The following DST variants were observed in gnomAD, a reference collection of about 807,000 sequenced individuals.
DST encodes the protein dystonin, also known as bullous pemphigoid antigen.
DST carries 253 observed loss-of-function variants against 875.2 expected under a neutral mutation model. That is an observed-to-expected ratio of 0.29 (90% confidence interval 0.26 to 0.32). The LOEUF is 0.32. Among genes scored for constraint, DST ranks in the 10% least tolerant of loss-of-function variants. DST has a pLI of 1.00. For synonymous variants in DST, 3,124 were observed against 3,197.1 expected (o/e 0.98, Z 0.77); for missense variants, 8,287 against 9,111.6 (o/e 0.91, Z 3.68).
At chr6:56,663,612 G>A (rs955676104) in intron 10 of DST, among the ~76,000 whole-genome samples, 8 of 152,180 alleles carry the variant, frequency 5.3e-5, no homozygotes, top group African/African-American at 1.9e-4. Context: ...CTGAATTCAC[G>A]CATGTGACTG....
chr6:56,935,446 CAGTT>C (rs1171884533), intron 2 of DST, among the ~76,000 whole-genome samples: 13 of 152,188 alleles, frequency 8.5e-5, no homozygotes, highest in Non-Finnish European at 4.4e-5. Flanking sequence ...CAAAGTTGGT[CAGTT>C]AGTTATTTAA....
chr6:56,663,533 A>G (rs1161891785), intron 10 of DST, among the ~76,000 whole-genome samples: 1 of 152,202 alleles, frequency 6.6e-6, no homozygotes. Context: ...CTATGGGAAC[A>G]TTTCAAACCC....
intron 90 of DST, among the ~76,000 whole-genome samples, chr6:56,480,943 A>G (rs1250479973): frequency 6.6e-6 from 1 of 152,186 alleles, no homozygotes; most frequent in African/African-American, 2.4e-5. Flanking sequence ...TATAAACTAC[A>G]TTTTCAAAAT....
chr6:56,586,655 A>AC (rs1260957330), intron 49 of DST, among the ~76,000 whole-genome samples: 2 of 151,716 alleles, frequency 1.3e-5, no homozygotes, highest in Non-Finnish European at 2.9e-5. Context: ...ACTGGGAGGC[A>AC]CCCCCCAGTA....
rs771187520 is a variant in DST, at chr6:56,639,438, G to A, written c.2859+12C>T. ...TGCAACCCTAGTATGCAAGTACAAAGGGTGTACTTACAGCATGATAATCTT... is the reference window on the plus strand; with the variant it reads ...TGCAACCCTAGTATGCAAGTACAAAAGGTGTACTTACAGCATGATAATCTT... On this transcript the variant is annotated intron_variant, in intron 21 of 103. Transcript: ENST00000680361. The A allele has an allele frequency of 1.2e-6, 2 of 1,613,354 alleles. No homozygotes were observed. The highest frequency in any genetic ancestry group is 1.1e-5 in the South Asian group (1 of 91,062).
At chr6:56,619,458 T>G (rs1256087810) in intron 36 of DST, 2 of 1,611,904 alleles carry the variant, frequency 1.2e-6, no homozygotes, top group East Asian at 4.5e-5. Context: ...TGATCTGATT[T>G]TCTCTGGCAG....
At chr6:56,751,461 T>G (rs544130063) in intron 4 of DST, among the ~76,000 whole-genome samples, 83 of 152,324 alleles carry the variant, frequency 5.4e-4, no homozygotes, top group Non-Finnish European at 9.3e-4. Flanking sequence ...AACAATTATT[T>G]TTTTACAGCA....
At chr6:56,603,180 CA>C in intron 42 of DST, 24 bp downstream of exon 42, 1 of 1,568,224 alleles carries the variant, frequency 6.4e-7, no homozygotes, top group Non-Finnish European at 8.7e-7. Flanking sequence ...CTTCATAAAT[CA>C]AAATTTTGAC....
In DST at chr6:56,532,228, A is replaced by G. The variant is rs2096908557; in HGVS notation, c.17108+116T>C. 5 of 954,076 alleles carry G rather than the reference A, an allele frequency of 5.2e-6. No individual in the cohort carries two copies. The Admixed American group carries it at 1.2e-4, about 22-fold the overall frequency. The allele number at this position is 954,076 out of a possible 1,614,324, so 59.1% of individuals were successfully genotyped here. A position where few individuals can be genotyped will look rare whatever the true frequency, so the allele number is the denominator to read the frequency against. ...TACAATCTTTGCTATCTCTGTTCAC[A>G]TACATGATAAACATAGGAAAATCAT... On this transcript the variant is annotated intron_variant, in intron 64 of 103. Transcript: ENST00000680361.
At chr6:56,493,895 T>C in intron 83 of DST, 115 bp downstream of exon 83, 1 of 789,270 alleles carries the variant, frequency 1.3e-6, no homozygotes, top group East Asian at 2.9e-5. Flanking sequence ...CAAAAAATGT[T>C]TAAACATAAA....
intron 9 of DST, among the ~76,000 whole-genome samples, chr6:56,675,549 G>C (rs115193789): frequency 1.2e-3 from 188 of 152,126 alleles, no homozygotes; most frequent in African/African-American, 4.3e-3. Flanking sequence ...AAAACAACTC[G>C]GTAATAAGAA....
chr6:56,856,262 C>T (rs755684346), intron 3 of DST, among the ~76,000 whole-genome samples: 188 of 152,234 alleles, frequency 1.2e-3, no homozygotes, highest in African/African-American at 4.1e-3. Flanking sequence ...AATTGGATGC[C>T]GCCCAGCCTT....
chr6:56,607,721 C>T lies in DST; in HGVS notation c.6907G>A (p.Glu2303Lys). The T allele has an allele frequency of 6.2e-7, 1 of 1,613,440 alleles. No individual in the cohort carries two copies. The highest frequency in any genetic ancestry group is 8.5e-7 in the Non-Finnish European group (1 of 1,179,672). ...PENRKCAIDE[E>K]FNEMRNTVIN... ...ACAGTATTTCTCATTTCATTAAATT[C>T]TTCATCTATAGCACACTTTCTATTT... Residue 2303 changes from glutamate to lysine, a missense_variant, in exon 40 of 104, where the codon GAA becomes AAA. Physicochemically the swap from Glu to Lys is moderately conservative, Grantham distance 56. Around this residue, in one of 10 missense-constraint regions of DST, gnomAD observed 3,138 missense variants for 3,116.6 expected, o/e 1.01. Transcript: ENST00000680361.
At position 56,501,577 on chromosome 6, in the gene DST, T is replaced by C. The variant is rs1055906207; in HGVS notation, c.19683A>G (p.Pro6561=). ...CCCATATCAATTTCAGTTCCATTAA[T>C]GGGTCTTGAACAGTGTGTTTGTCAC... is the stretch of plus-strand genomic sequence containing the variant. The part of the protein sequence containing the change: ...EESDKHTVQD[P]LMELKLIWDS... The change falls in exon 79 of 104, where the codon CCA becomes CCG. Residue 6561 remains proline, a synonymous_variant. Transcript: ENST00000680361. 1 of 1,608,068 alleles carries C rather than the reference T, an allele frequency of 6.2e-7. No homozygotes were observed. Among genetic ancestry groups the C allele is most frequent in the Non-Finnish European group, 8.5e-7 (1 of 1,177,110 alleles).
intron 3 of DST, among the ~76,000 whole-genome samples, chr6:56,884,107 G>A (rs979391011): frequency 2.0e-5 from 3 of 151,814 alleles, no homozygotes; most frequent in African/African-American, 7.3e-5. Context: ...CTCGAGCCTG[G>A]GTGGCAGAGT....
chr6:56,653,218 T>C (rs1036284291), intron 10 of DST, among the ~76,000 whole-genome samples: 17 of 152,164 alleles, frequency 1.1e-4, no homozygotes, highest in African/African-American at 2.7e-4. Flanking sequence ...CAGAATGACA[T>C]AGTCATTTCA....
chr6:56,546,404 T>C (rs1382289009), intron 61 of DST, among the ~76,000 whole-genome samples: 1 of 116,974 alleles, frequency 8.5e-6, no homozygotes, highest in Non-Finnish European at 1.7e-5. Context: ...GTCAAAAAGT[T>C]CATTTAAAGA....
chr6:56,874,540 T>C (rs970584016), intron 3 of DST, among the ~76,000 whole-genome samples: 1 of 152,224 alleles, frequency 6.6e-6, no homozygotes, highest in Non-Finnish European at 1.5e-5. Flanking sequence ...TATTATCTCA[T>C]TTAATCCCTG....
At chr6:56,754,704 A>T (rs755945031) in intron 4 of DST, among the ~76,000 whole-genome samples, 8 of 152,320 alleles carry the variant, frequency 5.3e-5, no homozygotes, top group Non-Finnish European at 1.0e-4. Flanking sequence ...AAAATTAAAA[A>T]ATTAAATCTT....
Sources: gnomAD v4.1 joint callset for allele counts (sites outside exome capture counted in the v4.1 genomes callset) on GRCh38, gnomAD v4.1.1 for gene constraint, gnomAD v4.1.1 regional missense constraint, MANE v1.5 for transcripts, NCBI Gene and HGNC (gene_info 2026-07-23, HGNC 2026-07-21) for gene names.